EVX1: variants seen among roughly 807,000 people sequenced by gnomAD.
EVX1 encodes homeobox even-skipped homolog protein 1.
A neutral mutation model predicts 28.6 loss-of-function variants in EVX1; 19 were observed. That is an observed-to-expected ratio of 0.67 (90% CI 0.46 to 0.98). EVX1 has a LOEUF of 0.98. Among genes scored for constraint, EVX1 ranks in the 50% least tolerant of loss-of-function variants. The pLI is 0.00. For synonymous variants in EVX1, 324 were observed against 278.2 expected, an observed-to-expected ratio of 1.16 and a Z score of -1.64; for missense variants, 660 against 583.0, an observed-to-expected ratio of 1.13 and a Z score of -1.36.
In EVX1 at chr7:27,246,149, C is replaced by G; in HGVS notation, c.948C>G (p.Pro316=). 6.6e-7 allele frequency: 1 copy of G among 1,512,066 alleles called. No homozygotes were observed. The highest frequency in any genetic ancestry group is 8.8e-7 in the Non-Finnish European group (1 of 1,140,026). The allele number at this position is 1,512,066 out of a possible 1,614,324, so 93.7% of individuals were successfully genotyped here. Residue 316 remains proline (P), a synonymous_variant, in exon 3 of 3, where the codon CCC becomes CCG. Coordinates refer to ENST00000496902, the MANE Select transcript of EVX1 (RefSeq NM_001989.5). ...ACACGTTCCGCGTGCTGTCGCAGCCCTACCCGCGGCCCGAACTGCTGTGCG... is the reference window on the plus strand; with the variant it reads ...ACACGTTCCGCGTGCTGTCGCAGCCGTACCCGCGGCCCGAACTGCTGTGCG... ...PLDTFRVLSQ[P]YPRPELLCAF...
rs780894214 is a variant in EVX1, at chr7:27,243,231, G to A, written c.201G>A (p.Glu67=). ...TRERGGGGPE[E]EPVDGLAGSA... ...AGCGCGGCGGGGGAGGCCCGGAGGA[G>A]GAGCCGGTAGATGGACTCGCAGGCA... The change falls in exon 1 of 3, where the codon GAG becomes GAA. Residue 67 remains glutamate (E), a synonymous_variant. Coordinates refer to ENST00000496902, the MANE Select transcript of EVX1 (RefSeq NM_001989.5). 4 of 1,549,244 alleles carry A rather than the reference G, an allele frequency of 2.6e-6. No homozygotes were observed. Among genetic ancestry groups the A allele is most frequent in the South Asian group, 1.2e-5 (1 of 84,448 alleles).
Position 27,242,863 on chromosome 7 carries a change from C to T in EVX1, c.-168C>T. 3.0e-6 allele frequency: 2 copies of T among 675,764 alleles called. No homozygotes were observed. Among genetic ancestry groups the T allele is most frequent in the Non-Finnish European group, 4.8e-6 (2 of 418,010 alleles). The allele number at this position is 675,764 out of a possible 1,614,324, so 41.9% of individuals were successfully genotyped here. ...AGGTGACCCTAGCTCCCACCGCCACCGCCGCGGTCGCGGTCCAGACCGCGC... is the reference window on the plus strand; with the variant it reads ...AGGTGACCCTAGCTCCCACCGCCACTGCCGCGGTCGCGGTCCAGACCGCGC... On this transcript the variant is annotated 5_prime_UTR_variant, in exon 1 of 3. Coordinates refer to ENST00000496902, the MANE Select transcript of EVX1 (RefSeq NM_001989.5).
In EVX1 at chr7:27,245,052, C is replaced by A. The variant is rs1355062941; in HGVS notation, c.432C>A (p.Ser144=). ...GNAEYQHSKG[S]GSEALVGSPN... ...TGCTCTGGACTCGCTGTGCAGGGTC[C>A]GGCTCCGAGGCGCTGGTCGGCAGTC... Residue 144 remains serine, a synonymous_variant, in exon 2 of 3, where the codon TCC becomes TCA. Transcript: ENST00000496902. 6.2e-7 allele frequency: 1 copy of A among 1,609,540 alleles called. No individual in the cohort carries two copies. The highest frequency in any genetic ancestry group is 8.5e-7 in the Non-Finnish European group (1 of 1,179,630).
At chr7:27,243,607 G>A in intron 1 of EVX1, 150 bp downstream of exon 1, 1 of 842,888 alleles carries the variant, frequency 1.2e-6, no homozygotes, top group Non-Finnish European at 1.7e-6. Flanking sequence ...GCGTTCTGGC[G>A]GGGGTCTCCT....
intron 1 of EVX1, chr7:27,243,741 A>T (rs1385453366): frequency 5.3e-6 from 2 of 377,652 alleles, no homozygotes; most frequent in Non-Finnish European, 9.4e-6. Context: ...CCAGTGTTTC[A>T]ACTGCTCGGG....
chr7:27,243,235 C>A lies in EVX1; in HGVS notation c.205C>A (p.Pro69Thr), dbSNP rs1033939449. 1 of 1,548,680 alleles carries A rather than the reference C, an allele frequency of 6.5e-7. No homozygotes were observed. Among genetic ancestry groups the A allele is most frequent in the African/African-American group, 1.4e-5 (1 of 72,984 alleles). Residue 69 changes from proline (P) to threonine (T), a missense_variant, in exon 1 of 3, where the codon CCG becomes ACG. Physicochemically the swap from Pro to Thr is conservative, Grantham distance 38. This residue lies in a region of EVX1 where 308 missense variants were observed against 256.6 expected (regional missense o/e 1.20). Coordinates refer to ENST00000496902, the MANE Select transcript of EVX1 (RefSeq NM_001989.5). ...ERGGGGPEEEPVDGLAGSAAG... is the reference protein window; with the variant it reads ...ERGGGGPEEETVDGLAGSAAG... ...CGGCGGGGGAGGCCCGGAGGAGGAG[C>A]CGGTAGATGGACTCGCAGGCAGCGC...
In EVX1 at chr7:27,246,656, G is replaced by C. The variant is rs1783201696; in HGVS notation, c.*231G>C. ...GAGTGGGGATAGGGAAGCAGAGCTT[G>C]AGAGACCTTCCTCCGGGGCAGCCTC... On this transcript the variant is annotated 3_prime_UTR_variant, in exon 3 of 3. Transcript: ENST00000496902. The C allele has an allele frequency of 1.8e-6, 1 of 543,082 alleles. No homozygotes were observed. Among genetic ancestry groups the C allele is most frequent in the African/African-American group, 2.0e-5 (1 of 49,506 alleles). 33.6% of individuals were successfully genotyped at this position (543,082 alleles called of 1,614,324 possible).
At position 27,243,085 on chromosome 7, in the gene EVX1, C is replaced by A; in HGVS notation, c.55C>A (p.Leu19Met). ...TCTGGATGGGGGTCAGCTTGGCACT[C>A]TGGTTGGCAAGAGAGTCTCAAATTT... ...VFLDGGQLGT[L>M]VGKRVSNLSE... is the part of the protein sequence containing the mutation. Residue 19 changes from leucine to methionine, a missense_variant, in exon 1 of 3, where the codon CTG (leucine) becomes ATG (methionine). Transcript: ENST00000496902. The A allele has an allele frequency of 1.2e-6, 2 of 1,612,262 alleles. No homozygotes were observed. Among genetic ancestry groups the A allele is most frequent in the Non-Finnish European group, 1.7e-6 (2 of 1,179,278 alleles).
At position 27,246,357 on chromosome 7, in the gene EVX1, C is replaced by T. The variant is rs1184963586; in HGVS notation, c.1156C>T (p.Pro386Ser). The change falls in exon 3 of 3, where the codon CCC becomes TCC. Residue 386 changes from proline to serine, a missense_variant. By Grantham distance (74) the Pro-to-Ser change is moderately conservative. Transcript: ENST00000496902. Reference protein sequence around the residue: ...SRSDSFLTFAPSVLSKASSVA... With the variant: ...SRSDSFLTFASSVLSKASSVA... ...CTCGGACTCCTTCCTCACCTTCGCG[C>T]CCTCGGTGCTCAGCAAGGCCTCCTC... The T allele has an allele frequency of 6.2e-7, 1 of 1,603,008 alleles. No individual in the cohort carries two copies. Among genetic ancestry groups the T allele is most frequent in the East Asian group, 2.2e-5 (1 of 44,656 alleles).
chr7:27,246,203 G>A lies in EVX1; in HGVS notation c.1002G>A (p.Gly334=), dbSNP rs981448727. 6.7e-7 allele frequency: 1 copy of A among 1,498,086 alleles called. No individual in the cohort carries two copies. The highest frequency in any genetic ancestry group is 8.8e-7 in the Non-Finnish European group (1 of 1,133,790). The allele number at this position is 1,498,086 out of a possible 1,614,324, so 92.8% of individuals were successfully genotyped here. ...TCCGCCACCCGCCGCTCTACCCCGG[G>A]CCCGCGCACGGACTGGGCGCCTCTG... ...CAFRHPPLYP[G]PAHGLGASAG... is the part of the protein sequence containing the mutation. The change falls in exon 3 of 3, where the codon GGG becomes GGA. Residue 334 remains glycine (G), a synonymous_variant. Transcript: ENST00000496902.
At position 27,246,090 on chromosome 7, in the gene EVX1, G is replaced by T. The variant is rs772119693; in HGVS notation, c.889G>T (p.Ala297Ser). 2 of 1,565,716 alleles carry T rather than the reference G, an allele frequency of 1.3e-6. No individual in the cohort carries two copies. The highest frequency in any genetic ancestry group is 1.4e-5 in the African/African-American group (1 of 72,490). ...CGCCGCATCCGCCGCCTCCGCCGCC[G>T]CCTCGCCCTTCAGCGGCTCGCTGCG... is the stretch of plus-strand genomic sequence containing the variant. ...LGAASAASAA[A>S]SPFSGSLRPL... is the part of the protein sequence containing the mutation. Residue 297 changes from alanine (A) to serine (S), a missense_variant, in exon 3 of 3, where the codon GCC (alanine) becomes TCC (serine). Physicochemically the swap from Ala to Ser is moderately conservative, Grantham distance 99. This residue lies in a region of EVX1 where 299 missense variants were observed against 241.3 expected (regional missense o/e 1.24). Coordinates refer to ENST00000496902, the MANE Select transcript of EVX1 (RefSeq NM_001989.5).
In EVX1 at chr7:27,245,052, C is replaced by T. The variant is rs1355062941; in HGVS notation, c.432C>T (p.Ser144=). The T allele has an allele frequency of 1.9e-6, 3 of 1,609,660 alleles. No homozygotes were observed. The highest frequency in any genetic ancestry group is 1.3e-5 in the African/African-American group (1 of 75,056). The part of the protein sequence containing the change: ...GNAEYQHSKG[S]GSEALVGSPN... ...TGCTCTGGACTCGCTGTGCAGGGTC[C>T]GGCTCCGAGGCGCTGGTCGGCAGTC... Residue 144 remains serine, a synonymous_variant, in exon 2 of 3, where the codon TCC becomes TCT. Coordinates refer to ENST00000496902, the MANE Select transcript of EVX1 (RefSeq NM_001989.5).
chr7:27,246,334 C>T lies in EVX1; in HGVS notation c.1133C>T (p.Ser378Leu), dbSNP rs201025206. ...SDFTCASTSRSDSFLTFAPSV... is the reference protein window; with the variant it reads ...SDFTCASTSRLDSFLTFAPSV... ...TTCACCTGTGCCTCCACCTCCCGCT[C>T]GGACTCCTTCCTCACCTTCGCGCCC... The change falls in exon 3 of 3, where the codon TCG becomes TTG. Residue 378 changes from serine to leucine, a missense_variant. Physicochemically the swap from Ser to Leu is moderately radical, Grantham distance 145. Coordinates refer to ENST00000496902, the MANE Select transcript of EVX1 (RefSeq NM_001989.5). 6.1e-5 allele frequency: 98 copies of T among 1,600,000 alleles called. No individual in the cohort carries two copies. Among genetic ancestry groups the T allele is most frequent in the Admixed American group, 1.2e-4 (7 of 59,702 alleles).
At position 27,246,134 on chromosome 7, in the gene EVX1, C is replaced by T; in HGVS notation, c.933C>T (p.Arg311=). Reference sequence around the variant, plus strand: ...CGCTGCGCCCGCTCGACACGTTCCGCGTGCTGTCGCAGCCCTACCCGCGGC... The same window carrying T: ...CGCTGCGCCCGCTCGACACGTTCCGTGTGCTGTCGCAGCCCTACCCGCGGC... ...SGSLRPLDTF[R]VLSQPYPRPE... Residue 311 remains arginine, a synonymous_variant, in exon 3 of 3, where the codon CGC becomes CGT. Transcript: ENST00000496902. 6.5e-7 allele frequency: 1 copy of T among 1,530,806 alleles called. No homozygotes were observed. Among genetic ancestry groups the T allele is most frequent in the Non-Finnish European group, 8.7e-7 (1 of 1,148,408 alleles). The allele number at this position is 1,530,806 out of a possible 1,614,324, so 94.8% of individuals were successfully genotyped here.
chr7:27,246,105 G>T lies in EVX1; in HGVS notation c.904G>T (p.Gly302Cys), dbSNP rs758466262. 79 of 1,551,028 alleles carry T rather than the reference G, an allele frequency of 5.1e-5. 1 individual carries two copies. In the South Asian group the frequency reaches 7.8e-4, roughly 15 times the overall value. Reference sequence around the variant, plus strand: ...CTCCGCCGCCGCCTCGCCCTTCAGCGGCTCGCTGCGCCCGCTCGACACGTT... The same window carrying T: ...CTCCGCCGCCGCCTCGCCCTTCAGCTGCTCGCTGCGCCCGCTCGACACGTT... ...AASAAASPFS[G>C]SLRPLDTFRV... Residue 302 changes from glycine to cysteine, a missense_variant, in exon 3 of 3, where the codon GGC becomes TGC. Gly to Cys is a radical substitution (Grantham distance 159, BLOSUM62 -3). Transcript: ENST00000496902.
intron 2 of EVX1, 63 bp downstream of exon 2, chr7:27,245,367 T>C (rs920801176): frequency 6.3e-7 from 1 of 1,590,390 alleles, no homozygotes. Flanking sequence ...AAATGCCAAC[T>C]GCCAACTCCC....
At chr7:27,244,652 T>A in intron 1 of EVX1, 1 of 332,104 alleles carries the variant, frequency 3.0e-6, no homozygotes, top group Non-Finnish European at 4.9e-6. Flanking sequence ...CCCAGCATAC[T>A]ACAATGCACT....
chr7:27,245,425 G>T, intron 2 of EVX1, 121 bp downstream of exon 2: 8 of 1,411,934 alleles, frequency 5.7e-6, no homozygotes, highest in Non-Finnish European at 7.7e-6. Flanking sequence ...TGCCCGGCGC[G>T]TGCAGATTGA....
rs530631267 is a variant in EVX1, at chr7:27,243,237, G to C, written c.207G>C (p.Pro69=). ...GCGGGGGAGGCCCGGAGGAGGAGCC[G>C]GTAGATGGACTCGCAGGCAGCGCGG... ...ERGGGGPEEE[P]VDGLAGSAAG... The change falls in exon 1 of 3, where the codon CCG becomes CCC. Residue 69 remains proline (P), a synonymous_variant. Coordinates refer to ENST00000496902, the MANE Select transcript of EVX1 (RefSeq NM_001989.5). 2 of 1,548,698 alleles carry C rather than the reference G, an allele frequency of 1.3e-6. No individual in the cohort carries two copies. Among genetic ancestry groups the C allele is most frequent in the Admixed American group, 2.0e-5 (1 of 50,804 alleles).
Sources: allele counts gnomAD v4.1 joint callset, GRCh38; gene constraint gnomAD v4.1.1; regional missense constraint gnomAD v4.1.1; transcripts MANE v1.5; gene names NCBI Gene and HGNC (gene_info 2026-07-23, HGNC 2026-07-21).